The following SPRY3 variants were observed in gnomAD, a reference collection of about 807,000 sequenced individuals.
The protein encoded by SPRY3 is protein sprouty homolog 3.
Under a neutral mutation model 20.2 loss-of-function variants are expected in SPRY3, and 15 were observed. That is an observed-to-expected ratio of 0.74 (90% CI 0.50 to 1.14). The LOEUF (loss-of-function observed/expected upper bound fraction) is 1.14, where lower values mean the gene tolerates loss of function less well. Ranked by LOEUF, SPRY3 falls within the 50% of genes most tolerant of loss-of-function variation. The pLI is 0.00. For missense variants in SPRY3, 364 were observed against 363.9 expected (o/e 1.00, Z 0.00); for synonymous variants, 143 against 136.5 (o/e 1.05, Z -0.33).
chrX:155,713,376 A>G lies in SPRY3; in HGVS notation c.-281-54586A>G, dbSNP rs758911845. On this transcript the variant is annotated intron_variant, in intron 2 of 3. Transcript: ENST00000675360. ...TTCAGATTGAGGTACTCCCTTTAGC[A>G]TTTTTTGTAGGACAGGTCTGGAGTT... Among the ~76,000 whole-genome samples, 51 of 152,032 alleles carry G rather than the reference A, an allele frequency of 3.4e-4. No homozygotes were observed. The South Asian group carries it at 0.01, about 31-fold the overall frequency.
chrX:155,634,408 C>G (rs1244903109), intron 1 of SPRY3, among the ~76,000 whole-genome samples: 2 of 111,759 alleles, frequency 1.8e-5, no homozygotes, highest in Admixed American at 9.5e-5. Context: ...TCATGATATT[C>G]TAATGACATT....
chrX:155,732,446 A>G (rs998101365), intron 2 of SPRY3, among the ~76,000 whole-genome samples: 1 of 152,096 alleles, frequency 6.6e-6, no homozygotes, highest in Non-Finnish European at 1.5e-5. Flanking sequence ...AATCAAAACT[A>G]CAATGAGATA....
chrX:155,730,525 G>A (rs1370094558), intron 2 of SPRY3, among the ~76,000 whole-genome samples: 1 of 152,024 alleles, frequency 6.6e-6, no homozygotes, highest in Admixed American at 6.6e-5. Flanking sequence ...TGGATATATA[G>A]ATGGAACATA....
downstream of SPRY3, chrX:155,777,757 A>G (rs894275489): frequency 3.7e-5 from 6 of 163,766 alleles, no homozygotes; most frequent in African/African-American, 1.5e-4. Context: ...ACTTTGTGTC[A>G]TGTCCTGTAT....
intron 2 of SPRY3, among the ~76,000 whole-genome samples, chrX:155,764,547 T>A (rs1296467290): frequency 1.3e-5 from 2 of 152,182 alleles, no homozygotes; most frequent in African/African-American, 4.8e-5. Flanking sequence ...ATTCATTCAA[T>A]AAGTATTAAT....
intron 2 of SPRY3, among the ~76,000 whole-genome samples, chrX:155,697,910 T>C (rs1459058183): frequency 1.8e-5 from 2 of 110,630 alleles, no homozygotes; most frequent in African/African-American, 6.6e-5. Flanking sequence ...TCTCAAAAAA[T>C]AGTGAATATG....
At chrX:155,664,579 C>T (rs1165537626) in intron 2 of SPRY3, among the ~76,000 whole-genome samples, 6 of 110,121 alleles carry the variant, frequency 5.4e-5, no homozygotes, top group African/African-American at 2.0e-4. Context: ...TAGTATATGA[C>T]ATATAGAGTA....
intron 1 of SPRY3, among the ~76,000 whole-genome samples, chrX:155,645,758 T>A (rs1365381249): frequency 1.8e-5 from 2 of 112,107 alleles, no homozygotes; most frequent in African/African-American, 6.5e-5. Context: ...AGTGCCTCTT[T>A]CAGTGATTTG....
At position 155,628,269 on chromosome X, in the gene SPRY3, C is replaced by T. The variant is rs782461687; in HGVS notation, c.-441+15622C>T. 2.7e-5 allele frequency among the ~76,000 whole-genome samples: 3 copies of T among 111,788 alleles called. No individual in the cohort carries two copies. The East Asian group carries it at 8.4e-4, about 31-fold the overall frequency. ...CAATGGTTGAACTAATTTACATTCC[C>T]GCCAACAGTGTAAAAGTGTTCCTAT... On this transcript the variant is annotated intron_variant, in intron 1 of 3. Transcript: ENST00000675360.
At chrX:155,749,967 T>C (rs773814224) in intron 2 of SPRY3, among the ~76,000 whole-genome samples, 3 of 151,896 alleles carry the variant, frequency 2.0e-5, no homozygotes, top group Admixed American at 2.0e-4. Context: ...CTGCATGAGA[T>C]CAGCTAAGGA....
chrX:155,781,513 C>G (rs997811757), downstream of SPRY3: 1 of 167,020 alleles, frequency 6.0e-6, no homozygotes, highest in African/African-American at 2.4e-5. Flanking sequence ...ATAACCACAC[C>G]GTGAGTTAGT....
At chrX:155,643,766 T>G in intron 1 of SPRY3, among the ~76,000 whole-genome samples, 1 of 112,366 alleles carries the variant, frequency 8.9e-6, no homozygotes, top group Middle Eastern at 4.6e-3. Flanking sequence ...ACACTTTAAC[T>G]TTATTCCCCT....
intron 1 of SPRY3, among the ~76,000 whole-genome samples, chrX:155,631,527 C>T (rs1217652455): frequency 8.9e-6 from 1 of 112,290 alleles, no homozygotes; most frequent in Non-Finnish European, 1.9e-5. Context: ...CTCCAGACTG[C>T]TTTCCACAGG....
intron 2 of SPRY3, among the ~76,000 whole-genome samples, chrX:155,747,566 T>C (rs978980630): frequency 6.6e-6 from 1 of 151,940 alleles, no homozygotes; most frequent in Admixed American, 6.6e-5. Context: ...CTATGCAGTA[T>C]CCCAAATATC....
exon 4 of SPRY3, chrX:155,775,586 C>T (rs779486261): frequency 6.0e-6 from 1 of 167,178 alleles, no homozygotes; most frequent in South Asian, 2.1e-4. Flanking sequence ...ACCACTCTCA[C>T]CTGTTCGTGA....
chrX:155,775,234 T>C (rs2091416844), exon 4 of SPRY3: 1 of 179,764 alleles, frequency 5.6e-6, no homozygotes. Flanking sequence ...TATTCCTCTC[T>C]CCTCTTTCAT....
chrX:155,634,400 A>G (rs2067917008), intron 1 of SPRY3, among the ~76,000 whole-genome samples: 1 of 111,844 alleles, frequency 8.9e-6, no homozygotes, highest in African/African-American at 3.3e-5. Flanking sequence ...ATGCACCATC[A>G]TGATATTCTA....
intron 2 of SPRY3, among the ~76,000 whole-genome samples, chrX:155,746,304 G>A (rs758080703): frequency 6.6e-6 from 1 of 152,156 alleles, no homozygotes; most frequent in South Asian, 2.1e-4. Flanking sequence ...TTCAGACACT[G>A]TAGCTAATTT....
downstream of SPRY3, chrX:155,778,439 T>G (rs1344412572): frequency 6.0e-6 from 1 of 167,056 alleles, no homozygotes; most frequent in African/African-American, 2.4e-5. Flanking sequence ...TAGCTTATGA[T>G]GTAGAGCTAT....
Sources: gnomAD v4.1 joint callset for allele counts (sites outside exome capture counted in the v4.1 genomes callset) on GRCh38, gnomAD v4.1.1 for gene constraint, MANE v1.5 for transcripts, NCBI Gene and HGNC (gene_info 2026-07-23, HGNC 2026-07-21) for gene names.